ARHGEF18: variants seen among roughly 807,000 people sequenced by gnomAD.
ARHGEF18 encodes rho guanine nucleotide exchange factor 18.
ARHGEF18 carries 93 observed loss-of-function variants against 155.7 expected under a neutral mutation model. The observed-to-expected ratio is 0.60, with a 90% CI of 0.50 to 0.71. The LOEUF is 0.71. ARHGEF18 is among the 30% of genes least tolerant of loss of function. The pLI, the probability that ARHGEF18 is intolerant of heterozygous loss-of-function variation, is 0.00. For missense variants in ARHGEF18, 1,593 were observed against 1,816.1 expected (o/e 0.88, Z 2.23); for synonymous variants, 742 against 753.1 (o/e 0.99, Z 0.24).
At chr19:7,431,498 GAGA>G (rs1973959257) in intron 10 of ARHGEF18, among the ~76,000 whole-genome samples, 1 of 104,534 alleles carries the variant, frequency 9.6e-6, no homozygotes, top group African/African-American at 3.8e-5. Context: ...ACGACAGAGT[GAGA>G]CTCCATCTCA....
At chr19:7,425,010 A>C (rs1568322333) in intron 10 of ARHGEF18, among the ~76,000 whole-genome samples, 1 of 150,440 alleles carries the variant, frequency 6.6e-6, no homozygotes, top group Non-Finnish European at 1.5e-5. Context: ...AAAAAAAAAA[A>C]GGCTCAAATT....
At position 7,441,929 on chromosome 19, in the gene ARHGEF18, C is replaced by T. The variant is rs1401066245; in HGVS notation, c.1237C>T (p.Leu413=). 2 of 1,614,088 alleles carry T rather than the reference C, an allele frequency of 1.2e-6. No individual in the cohort carries two copies. The highest frequency in any genetic ancestry group is 1.7e-6 in the Non-Finnish European group (2 of 1,179,988). The change falls in exon 13 of 29, where the codon CTG becomes TTG. Residue 413 remains leucine (L), a synonymous_variant. Coordinates refer to ENST00000668164, the MANE Select transcript of ARHGEF18 (RefSeq NM_001367823.1). ...TCCCTCAGATCCCTACACCGCCTCG[C>T]TGAGGAGTGAGATTGAGTCAGACGG... ...IFVEDPYTAS[L]RSEIESDGHE...
At chr19:7,454,466 G>A (rs1365668333) in intron 17 of ARHGEF18, among the ~76,000 whole-genome samples, 2 of 151,820 alleles carry the variant, frequency 1.3e-5, no homozygotes, top group East Asian at 1.9e-4. Flanking sequence ...TGATTGGTGG[G>A]TGCCATCTCG....
rs1975899044 is a variant in ARHGEF18, at chr19:7,457,330, C to CTCATT, written c.2181+929_2181+933dup. ...TTGGATTTGGGCCCGCCCATATGAT[C>CTCATT]TCATTTTGCCATAATCACCTCTCTT... On this transcript the variant is annotated intron_variant, in intron 18 of 28. Coordinates refer to ENST00000668164, the MANE Select transcript of ARHGEF18 (RefSeq NM_001367823.1). Among the ~76,000 whole-genome samples the CTCATT allele has an allele frequency of 3.0e-5, 4 of 133,500 alleles. No homozygotes were observed. The South Asian group carries it at 9.9e-4, about 33-fold the overall frequency. 87.6% of individuals were successfully genotyped at this position (133,500 alleles called of 152,430 possible). A position where few individuals can be genotyped will look rare whatever the true frequency, so the allele number is the denominator to read the frequency against.
intron 1 of ARHGEF18, among the ~76,000 whole-genome samples, chr19:7,350,766 GGGTGTGTGTGTGTGTGTGTGT>G (rs1969136491): frequency 3.1e-4 from 2 of 6,438 alleles, no homozygotes; most frequent in East Asian, 0.01. Context: ...TTTTTGGGGT[GGGTGTGTGTGTGTGTGTGTGT>G]GTGTGTGTGT....
At chr19:7,374,777 C>G (rs1970356225) in intron 3 of ARHGEF18, among the ~76,000 whole-genome samples, 1 of 152,152 alleles carries the variant, frequency 6.6e-6, no homozygotes, top group South Asian at 2.1e-4. Flanking sequence ...ACGATCAGCA[C>G]CCATCAGACC....
Position 7,447,007 on chromosome 19 carries a change from G to A in ARHGEF18, c.1612-36G>A, listed in dbSNP as rs182336543. 1.3e-3 allele frequency: 2,005 copies of A among 1,602,464 alleles called. 10 individuals carry two copies. The highest frequency in any genetic ancestry group is 1.3e-3 in the Non-Finnish European group (1,510 of 1,176,172). On this transcript the variant is annotated intron_variant, in intron 14 of 28. Transcript: ENST00000668164. ...ATGAAAATACTCTTTGGCAGTTTTC[G>A]TGTTTAATTAACATTTCCATCCTTT...
intron 23 of ARHGEF18, 79 bp from the exon 24 acceptor site, chr19:7,466,839 G>GGAAAAAA: frequency 1.6e-6 from 1 of 623,182 alleles, no homozygotes; most frequent in Non-Finnish European, 2.5e-6. Flanking sequence ...TAAAAAAAAA[G>GGAAAAAA]AAGAAGAAGA....
intron 13 of ARHGEF18, among the ~76,000 whole-genome samples, chr19:7,442,666 C>A (rs187389891): frequency 1.5e-3 from 234 of 152,344 alleles, no homozygotes; most frequent in Non-Finnish European, 2.4e-3. Context: ...CTGGCTTCTT[C>A]TTCCCTTGTT....
At chr19:7,465,089 G>C (rs558867304) in intron 23 of ARHGEF18, among the ~76,000 whole-genome samples, 1 of 151,900 alleles carries the variant, frequency 6.6e-6, no homozygotes, top group Non-Finnish European at 1.5e-5. Flanking sequence ...GCCCTGCCCA[G>C]GTCAGGGGGT....
chr19:7,375,023 G>A (rs1970368720), intron 3 of ARHGEF18, among the ~76,000 whole-genome samples: 1 of 152,126 alleles, frequency 6.6e-6, no homozygotes. Context: ...TGTAATCCCA[G>A]CACTTTGGGA....
In ARHGEF18 at chr19:7,434,874, CAG is replaced by C. The variant is rs779196935; in HGVS notation, c.968-5467_968-5466del. Among the ~76,000 whole-genome samples, 19 of 152,290 alleles carry C rather than the reference CAG, an allele frequency of 1.2e-4. No individual in the cohort carries two copies. The East Asian group carries it at 1.7e-3, about 14-fold the overall frequency. On this transcript the variant is annotated intron_variant, in intron 10 of 28. Coordinates refer to ENST00000668164, the MANE Select transcript of ARHGEF18 (RefSeq NM_001367823.1). ...ACAACCCAGGGGCTTTTAGTATATT[CAG>C]AGTCACCGAAATGGATCTTAGAACC...
intron 10 of ARHGEF18, among the ~76,000 whole-genome samples, chr19:7,417,129 C>G (rs1032661593): frequency 6.6e-6 from 1 of 152,052 alleles, no homozygotes; most frequent in Admixed American, 6.6e-5. Flanking sequence ...AGGCTGGTCT[C>G]GAACTCCTGA....
At chr19:7,415,825 A>G (rs1309611651) in intron 10 of ARHGEF18, among the ~76,000 whole-genome samples, 2 of 152,074 alleles carry the variant, frequency 1.3e-5, no homozygotes, top group African/African-American at 4.8e-5. Context: ...CCTTTTGAAG[A>G]TATACCCAGG....
intron 10 of ARHGEF18, among the ~76,000 whole-genome samples, chr19:7,415,135 C>T (rs1972926737): frequency 6.6e-6 from 1 of 152,216 alleles, no homozygotes; most frequent in Non-Finnish European, 1.5e-5. Flanking sequence ...TTCAACAAAG[C>T]TGGACCCAAG....
intron 2 of ARHGEF18, among the ~76,000 whole-genome samples, chr19:7,372,520 C>T (rs754676593): frequency 2.0e-5 from 3 of 151,956 alleles, no homozygotes; most frequent in African/African-American, 2.4e-5. Flanking sequence ...AACTCAGTGA[C>T]GAGAAGTGCT....
At chr19:7,468,719 CCAGAA>C in intron 26 of ARHGEF18, 101 bp from the exon 27 acceptor site, 1 of 1,265,108 alleles carries the variant, frequency 7.9e-7, no homozygotes, top group Non-Finnish European at 1.1e-6. Context: ...CTGGCTCTGT[CCAGAA>C]CAGGAGAGGT....
At chr19:7,426,314 C>T (rs8100171) in intron 10 of ARHGEF18, among the ~76,000 whole-genome samples, 80,735 of 151,392 alleles carry the variant, frequency 0.53, 21,844 homozygotes, top group Middle Eastern at 0.74. Context: ...ATGATGAAAC[C>T]TGTCTCTACT....
intron 2 of ARHGEF18, among the ~76,000 whole-genome samples, chr19:7,365,972 G>T (rs1430263953): frequency 1.3e-5 from 2 of 152,030 alleles, no homozygotes; most frequent in African/African-American, 2.4e-5. Context: ...TTGAGACAGG[G>T]TCTCACTCCA....
Sources: allele counts gnomAD v4.1 joint callset (sites outside exome capture counted in the v4.1 genomes callset), GRCh38; gene constraint gnomAD v4.1.1; transcripts MANE v1.5; gene names NCBI Gene and HGNC (gene_info 2026-07-23, HGNC 2026-07-21).